The following TBL1XR1 variants were observed in gnomAD, a reference collection of about 807,000 sequenced individuals.
TBL1XR1 encodes F-box-like/WD repeat-containing protein TBL1XR1.
Under a neutral mutation model 66.9 loss-of-function variants are expected in TBL1XR1, and 5 were observed. The observed-to-expected ratio is 0.07, with a 90% confidence interval of 0.04 to 0.16. The LOEUF (loss-of-function observed/expected upper bound fraction) is 0.16, where lower values mean the gene tolerates loss of function less well. Ranked by LOEUF, TBL1XR1 falls within the 10% of genes least tolerant of loss-of-function variation. The pLI, the probability that TBL1XR1 is intolerant of heterozygous loss-of-function variation, is 1.00. For missense variants in TBL1XR1, 238 were observed against 623.2 expected, an observed-to-expected ratio of 0.38 and a Z score of 6.58; for synonymous variants, 210 against 206.0, an observed-to-expected ratio of 1.02 and a Z score of -0.17.
At chr3:177,078,138 A>G (rs1465196632) in intron 2 of TBL1XR1, among the ~76,000 whole-genome samples, 1 of 152,232 alleles carries the variant, frequency 6.6e-6, no homozygotes, top group Admixed American at 6.5e-5. Context: ...TTTAAAAAGC[A>G]GTCTGTCATG....
intron 1 of TBL1XR1, among the ~76,000 whole-genome samples, chr3:177,113,167 T>C (rs189262936): frequency 9.9e-5 from 15 of 152,172 alleles, no homozygotes; most frequent in Non-Finnish European, 1.8e-4. Context: ...TATTCACATG[T>C]AGAAAAATGA....
chr3:177,145,936 C>T (rs1730185374), intron 1 of TBL1XR1, among the ~76,000 whole-genome samples: 1 of 152,214 alleles, frequency 6.6e-6, no homozygotes, highest in Non-Finnish European at 1.5e-5. Context: ...CCCAGGAGCT[C>T]TCCCTCCAAA....
chr3:177,136,285 C>A (rs1728987752), intron 1 of TBL1XR1: 1 of 151,982 alleles, frequency 6.6e-6, no homozygotes, highest in Non-Finnish European at 1.5e-5. Context: ...CACTGACATA[C>A]CTCTCAATTT....
At chr3:177,095,881 C>CA (rs889717944) in intron 2 of TBL1XR1, among the ~76,000 whole-genome samples, 1 of 152,074 alleles carries the variant, frequency 6.6e-6, no homozygotes, top group Admixed American at 6.5e-5. Flanking sequence ...TTAACAAGAA[C>CA]AATGTTCAGT....
chr3:177,133,110 A>G lies in TBL1XR1; in HGVS notation c.-121-34569T>C, dbSNP rs555648082. 2.0e-3 allele frequency among the ~76,000 whole-genome samples: 305 copies of G among 152,234 alleles called. 4 individuals carry two copies. The highest frequency in any genetic ancestry group is 2.9e-3 in the Non-Finnish European group (198 of 68,000). ...AGACCAGCCTGGCCAGCATGGCCAA[A>G]CCCCATCTCTACTAAAAATACAAAA... On this transcript the variant is annotated intron_variant, in intron 1 of 15. Coordinates refer to ENST00000457928, the MANE Select transcript of TBL1XR1 (RefSeq NM_024665.7).
chr3:177,142,847 CAT>C (rs1379073021), intron 1 of TBL1XR1, among the ~76,000 whole-genome samples: 1 of 152,040 alleles, frequency 6.6e-6, no homozygotes, highest in Non-Finnish European at 1.5e-5. Flanking sequence ...CTTTTGCAAT[CAT>C]ATGTGGACAT....
intron 1 of TBL1XR1, among the ~76,000 whole-genome samples, chr3:177,154,539 G>A (rs1187361824): frequency 6.6e-6 from 1 of 152,074 alleles, no homozygotes; most frequent in East Asian, 1.9e-4. Flanking sequence ...TGGGATTACA[G>A]ACGCCCACCA....
At position 177,180,911 on chromosome 3, in the gene TBL1XR1, T is replaced by C. The variant is rs1318413003; in HGVS notation, c.-122+16210A>G. Reference sequence around the variant, plus strand: ...ACGCCCTGCTAGTTTTTTGTATTTTTAGTAAAGACGGGGGTTTCACCATGT... The same window carrying C: ...ACGCCCTGCTAGTTTTTTGTATTTTCAGTAAAGACGGGGGTTTCACCATGT... On this transcript the variant is annotated intron_variant, in intron 1 of 15. Transcript: ENST00000457928. Among the ~76,000 whole-genome samples the C allele has an allele frequency of 3.3e-5, 5 of 152,074 alleles. No homozygotes were observed. In the South Asian group the frequency reaches 8.3e-4, roughly 25 times the overall value.
chr3:177,073,429 T>A (rs1720293983), intron 2 of TBL1XR1, among the ~76,000 whole-genome samples: 1 of 152,188 alleles, frequency 6.6e-6, no homozygotes, highest in Non-Finnish European at 1.5e-5. Context: ...TTAAAAGCCA[T>A]AAATATCAGA....
At chr3:177,180,728 G>A (rs1734721009) in intron 1 of TBL1XR1, among the ~76,000 whole-genome samples, 1 of 151,012 alleles carries the variant, frequency 6.6e-6, no homozygotes. Flanking sequence ...CAAGATCTCA[G>A]ATTACCCTGG....
At chr3:177,045,580 CCAA>C (rs768825684) in intron 10 of TBL1XR1, among the ~76,000 whole-genome samples, 3 of 152,076 alleles carry the variant, frequency 2.0e-5, no homozygotes, top group Non-Finnish European at 4.4e-5. Context: ...CACCAACATT[CCAA>C]CAACATTGGG....
chr3:177,137,897 G>A (rs1047771490), intron 1 of TBL1XR1, among the ~76,000 whole-genome samples: 2 of 152,124 alleles, frequency 1.3e-5, no homozygotes, highest in African/African-American at 4.8e-5. Context: ...CTGAGCCTGT[G>A]AGGTTGGGGC....
chr3:177,111,390 A>G (rs910823431), intron 1 of TBL1XR1, among the ~76,000 whole-genome samples: 1 of 151,636 alleles, frequency 6.6e-6, no homozygotes, highest in Non-Finnish European at 1.5e-5. Flanking sequence ...CACCTGCCTC[A>G]GCCTCCCGAG....
At chr3:177,115,186 C>A (rs1726161184) in intron 1 of TBL1XR1, among the ~76,000 whole-genome samples, 1 of 151,932 alleles carries the variant, frequency 6.6e-6, no homozygotes, top group East Asian at 1.9e-4. Context: ...ATCTACCTGA[C>A]CCAGCTTCCA....
intron 1 of TBL1XR1, among the ~76,000 whole-genome samples, chr3:177,116,280 C>T (rs1726299636): frequency 6.6e-6 from 1 of 152,166 alleles, no homozygotes; most frequent in South Asian, 2.1e-4. Context: ...TGTTCCTCTT[C>T]TCGTATTTCC....
intron 2 of TBL1XR1, among the ~76,000 whole-genome samples, chr3:177,093,714 A>C (rs1007749481): frequency 6.6e-6 from 1 of 152,174 alleles, no homozygotes; most frequent in East Asian, 1.9e-4. Flanking sequence ...CAAAAACATA[A>C]AGTGGGGATA....
At chr3:177,161,510 CGGTG>C (rs1308684281) in intron 1 of TBL1XR1, among the ~76,000 whole-genome samples, 3 of 152,196 alleles carry the variant, frequency 2.0e-5, no homozygotes, top group Non-Finnish European at 4.4e-5. Flanking sequence ...TGGCCAGGCG[CGGTG>C]GCTCACGCCT....
At chr3:177,042,560 T>C (rs569510839) in intron 10 of TBL1XR1, among the ~76,000 whole-genome samples, 7 of 152,298 alleles carry the variant, frequency 4.6e-5, no homozygotes, top group Non-Finnish European at 8.8e-5. Flanking sequence ...TGCTTATAGA[T>C]TGATGTAATC....
intron 2 of TBL1XR1, among the ~76,000 whole-genome samples, chr3:177,069,769 G>GA (rs1308470230): frequency 9.7e-6 from 1 of 103,284 alleles, no homozygotes; most frequent in East Asian, 3.0e-4. Flanking sequence ...GGAAAGAAAG[G>GA]AAGGAAAGGA....
Sources: allele counts gnomAD v4.1 joint callset (sites outside exome capture counted in the v4.1 genomes callset), GRCh38; gene constraint gnomAD v4.1.1; transcripts MANE v1.5; gene names NCBI Gene and HGNC (gene_info 2026-07-23, HGNC 2026-07-21).